Variants in MGAM observed in about 807,000 individuals in gnomAD.
The protein encoded by MGAM is maltase-glucoamylase, also known as alpha-1,4-glucosidase.
A neutral mutation model predicts 358.8 loss-of-function variants in MGAM; 253 were observed. The ratio of observed to expected loss-of-function variants is 0.71; its 90% CI spans 0.64 to 0.78. MGAM has a LOEUF of 0.78. Among genes scored for constraint, MGAM ranks in the 30% least tolerant of loss-of-function variants. MGAM has a pLI of 0.00. For missense variants in MGAM, 3,080 were observed against 3,432.6 expected, an observed-to-expected ratio of 0.90 and a Z score of 2.57; for synonymous variants, 1,105 against 1,227.1, an observed-to-expected ratio of 0.90 and a Z score of 2.08.
intron 57 of MGAM, among the ~76,000 whole-genome samples, chr7:142,090,822 G>C (rs572384992): frequency 3.4e-5 from 5 of 146,590 alleles, no homozygotes; most frequent in Non-Finnish European, 6.2e-5. Context: ...TCGAAGTGGT[G>C]TGAACCCACC....
Position 142,047,780 on chromosome 7 carries a change from C to T in MGAM, c.2499-5C>T. On this transcript the variant is annotated splice_polypyrimidine_tract_variant and splice_region_variant and intron_variant, in intron 21 of 70. Transcript: ENST00000475668. ...TCTTTGTGTCTTGAATCTTGTTCCC[C>T]ACAGTCGAAAGAACCCTCTTGGTCT... is the stretch of plus-strand genomic sequence containing the variant. 6.2e-7 allele frequency: 1 copy of T among 1,610,596 alleles called. No individual in the cohort carries two copies.
At chr7:142,031,891 GAGA>G in intron 13 of MGAM, 98 bp downstream of exon 13, 1 of 765,676 alleles carries the variant, frequency 1.3e-6, no homozygotes, top group Non-Finnish European at 2.2e-6. Flanking sequence ...AGAGGAGGAG[GAGA>G]AGAAAGGAAG....
chr7:142,036,119 G>T, intron 16 of MGAM, 50 bp from the exon 17 acceptor site: 1 of 1,321,838 alleles, frequency 7.6e-7, no homozygotes, highest in Non-Finnish European at 1.1e-6. Flanking sequence ...AAGCAAAGGA[G>T]GGTGGTTAGA....
Position 142,055,616 on chromosome 7 carries a change from C to T in MGAM, c.3373C>T (p.Arg1125Cys), listed in dbSNP as rs374214973. 48 of 1,613,940 alleles carry T rather than the reference C, an allele frequency of 3.0e-5. No homozygotes were observed. Among genetic ancestry groups the T allele is most frequent in the African/African-American group, 8.0e-5 (6 of 75,022 alleles). The change falls in exon 28 of 71, where the codon CGC (arginine) becomes TGC (cysteine). Residue 1125 changes from arginine to cysteine, a missense_variant. This residue lies in a region of MGAM where 1,816 missense variants were observed against 1,840.5 expected (regional missense o/e 0.99). Coordinates refer to ENST00000475668, the MANE Select transcript of MGAM (RefSeq NM_001365693.1). ...FSDMFIRIST[R>C]LPSKYLYGFG... ...TGACATGTTTATCCGCATCTCCACC[C>T]GCCTTCCCTCCAAGTACCTCTATGG...
intron 67 of MGAM, among the ~76,000 whole-genome samples, 191 bp from the exon 68 acceptor site, chr7:142,100,611 T>G (rs1047160243): frequency 1.3e-5 from 2 of 152,196 alleles, no homozygotes; most frequent in African/African-American, 2.4e-5. Context: ...ACTAATTCAT[T>G]TGTTCATGAT....
intron 17 of MGAM, 100 bp from the exon 18 acceptor site, chr7:142,036,723 G>A (rs1473745183): frequency 6.2e-5 from 81 of 1,316,472 alleles, no homozygotes; most frequent in Non-Finnish European, 7.5e-5. Context: ...TGTCATTCAG[G>A]AGGGAAATTC....
intron 2 of MGAM, among the ~76,000 whole-genome samples, chr7:142,008,210 A>G (rs1343269524): frequency 6.6e-6 from 1 of 152,190 alleles, no homozygotes; most frequent in Non-Finnish European, 1.5e-5. Context: ...CCCTAGACTA[A>G]AGGAAGGGTG....
chr7:142,054,967 C>T (rs1585021440), intron 27 of MGAM, 59 bp downstream of exon 27: 5 of 1,560,466 alleles, frequency 3.2e-6, no homozygotes, highest in Non-Finnish European at 4.4e-6. Flanking sequence ...GCTGCCAGGT[C>T]CATTGTCCTT....
Position 142,052,911 on chromosome 7 carries a change from C to T in MGAM, c.3086C>T (p.Ala1029Val), listed in dbSNP as rs1265261649. The T allele has an allele frequency of 1.2e-6, 2 of 1,613,896 alleles. No individual in the cohort carries two copies. The highest frequency in any genetic ancestry group is 2.2e-5 in the South Asian group (2 of 91,070). The stretch of plus-strand genomic sequence containing the variant: ...TTAAAGTCTTCCGTTTATGCCAATG[C>T]CTTCCCCTCCACACCCGTGAACCCC... ...ISLKSSVYAN[A>V]FPSTPVNPLR... The change falls in exon 26 of 71, where the codon GCC becomes GTC. Residue 1029 changes from alanine (A) to valine (V), a missense_variant. This residue lies in a region of MGAM where 1,816 missense variants were observed against 1,840.5 expected (regional missense o/e 0.99). Transcript: ENST00000475668.
At chr7:142,024,411 C>T (rs1806759805) in intron 7 of MGAM, among the ~76,000 whole-genome samples, 1 of 78,212 alleles carries the variant, frequency 1.3e-5, no homozygotes, top group Non-Finnish European at 2.5e-5. Flanking sequence ...GAGACCCTGT[C>T]TGGAAAAAAA....
At chr7:142,009,495 T>C (rs1554453687) in intron 3 of MGAM, among the ~76,000 whole-genome samples, 2 of 152,180 alleles carry the variant, frequency 1.3e-5, no homozygotes, top group East Asian at 3.8e-4. Context: ...TCACCTAGAT[T>C]ATCACATTCT....
At chr7:142,015,015 G>T (rs1233377325) in intron 3 of MGAM, among the ~76,000 whole-genome samples, 1 of 151,998 alleles carries the variant, frequency 6.6e-6, no homozygotes, top group Non-Finnish European at 1.5e-5. Context: ...GATCTCCAAA[G>T]TGGCTGTGCC....
intron 17 of MGAM, 33 bp from the exon 18 acceptor site, chr7:142,036,790 A>C (rs1554466023): frequency 6.2e-7 from 1 of 1,604,918 alleles, no homozygotes. Flanking sequence ...TCCTGCAGCC[A>C]AACCACAACT....
rs755147832 is a variant in MGAM, at chr7:142,056,916, G to A, written c.3667G>A (p.Glu1223Lys). ...TTATGTGTTCTTGGGGCCGACTCCA[G>A]AGCTTGTCACCCAGCAGTACACTGA... ...DFYVFLGPTP[E>K]LVTQQYTELI... Residue 1223 changes from glutamate (E) to lysine (K), a missense_variant, in exon 30 of 71, where the codon GAG becomes AAG. Physicochemically the swap from Glu to Lys is moderately conservative, Grantham distance 56. Around this residue, in one of 5 missense-constraint regions of MGAM, gnomAD observed 1,816 missense variants for 1,840.5 expected, o/e 0.99. Coordinates refer to ENST00000475668, the MANE Select transcript of MGAM (RefSeq NM_001365693.1). The A allele has an allele frequency of 6.2e-7, 1 of 1,613,868 alleles. No homozygotes were observed. The highest frequency in any genetic ancestry group is 8.5e-7 in the Non-Finnish European group (1 of 1,179,826).
At chr7:142,065,234 C>T in intron 37 of MGAM, 101 bp from the exon 38 acceptor site, 1 of 1,479,784 alleles carries the variant, frequency 6.8e-7, no homozygotes, top group Non-Finnish European at 9.1e-7. Context: ...TCCAGTCACG[C>T]AGCAAACATT....
At chr7:142,023,198 C>T (rs574424373) in intron 7 of MGAM, among the ~76,000 whole-genome samples, 4 of 152,060 alleles carry the variant, frequency 2.6e-5, no homozygotes, top group South Asian at 2.1e-4. Flanking sequence ...GTAGCTGAGA[C>T]TAAAGGTGCG....
chr7:141,988,334 T>C (rs1274519758), intron 2 of MGAM, among the ~76,000 whole-genome samples: 1 of 150,832 alleles, frequency 6.6e-6, no homozygotes, highest in Non-Finnish European at 1.5e-5. Context: ...CTCTGAAAAC[T>C]GCAAAGTGTC....
chr7:142,008,998 G>A (rs1308900562), intron 3 of MGAM, among the ~76,000 whole-genome samples: 1 of 152,096 alleles, frequency 6.6e-6, no homozygotes, highest in Non-Finnish European at 1.5e-5. Flanking sequence ...TAGTATAAGT[G>A]TGTCCCGTGA....
At chr7:141,989,645 T>A (rs782612640) in intron 2 of MGAM, among the ~76,000 whole-genome samples, 3 of 151,782 alleles carry the variant, frequency 2.0e-5, no homozygotes, top group Non-Finnish European at 2.9e-5. Flanking sequence ...AGCCTCAAAC[T>A]CCTGGGCTCA....
Sources: gnomAD v4.1 joint callset for allele counts (sites outside exome capture counted in the v4.1 genomes callset) on GRCh38, gnomAD v4.1.1 for gene constraint, gnomAD v4.1.1 regional missense constraint, MANE v1.5 for transcripts, NCBI Gene and HGNC (gene_info 2026-07-23, HGNC 2026-07-21) for gene names.